GJD4: variants seen among roughly 807,000 people sequenced by gnomAD.
GJD4 encodes the protein gap junction delta-4 protein.
GJD4 carries 18 observed loss-of-function variants against 17.9 expected under a neutral mutation model. The observed-to-expected ratio is 1.00, with a 90% CI of 0.69 to 1.49. The LOEUF is 1.49. Ranked by LOEUF, GJD4 falls within the 40% of genes most tolerant of loss-of-function variation. The pLI, the probability that GJD4 is intolerant of heterozygous loss-of-function variation, is 0.00. For synonymous variants in GJD4, 293 were observed against 236.8 expected, an observed-to-expected ratio of 1.24 and a Z score of -2.18; for missense variants, 639 against 506.9, an observed-to-expected ratio of 1.26 and a Z score of -2.50.
At position 35,608,128 on chromosome 10, in the gene GJD4, C is replaced by T. The variant is rs1167140814; in HGVS notation, c.615C>T (p.Ser205=). 4 of 1,609,426 alleles carry T rather than the reference C, an allele frequency of 2.5e-6. No homozygotes were observed. The South Asian group carries it at 3.3e-5, about 13-fold the overall frequency. ...SLLMLFLWAV[S]ALSFLLGLAD... The stretch of plus-strand genomic sequence containing the variant: ...TGATGCTGTTCCTCTGGGCGGTCAG[C>T]GCGCTGTCTTTTCTGCTGGGCCTCG... The change falls in exon 2 of 2, where the codon AGC becomes AGT. Residue 205 remains serine, a synonymous_variant. Coordinates refer to ENST00000321660, the MANE Select transcript of GJD4 (RefSeq NM_153368.3).
rs1330951266 is a variant in GJD4 at position 35,607,976 on chromosome 10, G to A, written c.463G>A (p.Ala155Thr). The stretch of plus-strand genomic sequence containing the variant: ...CCTCCTCCTCCGGACCCTGCTGGAG[G>A]CAGCCTTCGGGGCCTTGCACTACTT... ...IHLLLRTLLE[A>T]AFGALHYFLF... The change falls in exon 2 of 2, where the codon GCA becomes ACA. Residue 155 changes from alanine to threonine, a missense_variant. Coordinates refer to ENST00000321660, the MANE Select transcript of GJD4 (RefSeq NM_153368.3). The A allele has an allele frequency of 2.5e-6, 4 of 1,611,470 alleles. No homozygotes were observed. The highest frequency in any genetic ancestry group is 2.5e-6 in the Non-Finnish European group (3 of 1,179,642).
In GJD4 at chr10:35,607,701, A is replaced by T. The variant is rs139614735; in HGVS notation, c.188A>T (p.Asn63Ile). The T allele has an allele frequency of 6.2e-7, 1 of 1,613,938 alleles. No individual in the cohort carries two copies. Among genetic ancestry groups the T allele is most frequent in the African/African-American group, 1.3e-5 (1 of 74,926 alleles). Residue 63 changes from asparagine to isoleucine, a missense_variant, in exon 2 of 2, where the codon AAT (asparagine) becomes ATT (isoleucine). Transcript: ENST00000321660. ...AACACGCTGCAGCCGGGATGCGCCA[A>T]TGTTTGCTACGACGTCTTCTCCCCC... The part of the protein sequence containing the change: ...VCNTLQPGCA[N>I]VCYDVFSPVS...
Position 35,608,741 on chromosome 10 carries a change from A to C in GJD4, c.*115A>C. 1.4e-6 allele frequency: 1 copy of C among 727,716 alleles called. No individual in the cohort carries two copies. The highest frequency in any genetic ancestry group is 2.2e-6 in the Non-Finnish European group (1 of 456,950). 45.1% of individuals were successfully genotyped at this position (727,716 alleles called of 1,614,324 possible). On this transcript the variant is annotated 3_prime_UTR_variant, in exon 2 of 2. Transcript: ENST00000321660. Reference sequence around the variant, plus strand: ...TCTCCTTGCCCAAGAGTTTGAGACCAGCCTGGACAACATAATGAGACCCTC... The same window carrying C: ...TCTCCTTGCCCAAGAGTTTGAGACCCGCCTGGACAACATAATGAGACCCTC...
chr10:35,606,716 AG>A (rs1414458356), intron 1 of GJD4: 1 of 152,330 alleles, frequency 6.6e-6, no homozygotes, highest in East Asian at 1.9e-4. Context: ...ATTTTGGCTG[AG>A]TTTTAAACAT....
In GJD4 at chr10:35,605,576, C is replaced by T. The variant is rs148424175; in HGVS notation, c.9C>T (p.Gly3=). ...TGGGACATTCTGGAAGCATGGAAGG[C>T]GTGGACTTGCTAGGGTTTCTCATCA... ME[G]VDLLGFLIIT... The change falls in exon 1 of 2, where the codon GGC becomes GGT. Residue 3 remains glycine, a synonymous_variant. Coordinates refer to ENST00000321660, the MANE Select transcript of GJD4 (RefSeq NM_153368.3). 4.6e-4 allele frequency: 744 copies of T among 1,613,732 alleles called. 4 individuals carry two copies. In the African/African-American group the frequency reaches 7.9e-3, roughly 17 times the overall value.
rs1835443918 is a variant in GJD4 at position 35,605,544 on chromosome 10, T to C, written c.-24T>C. The C allele has an allele frequency of 5.6e-6, 9 of 1,607,982 alleles. No homozygotes were observed. The highest frequency in any genetic ancestry group is 2.2e-5 in the East Asian group (1 of 44,858). ...CAGCCCTCCAGTGTCTCCTGCAGCC[T>C]GGAGCCTGGGACATTCTGGAAGCAT... On this transcript the variant is annotated 5_prime_UTR_variant, in exon 1 of 2. Coordinates refer to ENST00000321660, the MANE Select transcript of GJD4 (RefSeq NM_153368.3).
chr10:35,608,446 G>C lies in GJD4; in HGVS notation c.933G>C (p.Arg311=). 6.5e-7 allele frequency: 1 copy of C among 1,548,102 alleles called. No individual in the cohort carries two copies. The highest frequency in any genetic ancestry group is 8.7e-7 in the Non-Finnish European group (1 of 1,146,666). ...GCGAAAAGCTGGGCAGACAGCCCCG[G>C]GGCAGGCCCCACCGAGAGGCCGCCC... ...SASEKLGRQP[R]GRPHREAAQD... Residue 311 remains arginine (R), a synonymous_variant, in exon 2 of 2, where the codon CGG becomes CGC. Transcript: ENST00000321660.
Position 35,608,299 on chromosome 10 carries a change from A to G in GJD4, c.786A>G (p.Ala262=). Residue 262 remains alanine, a synonymous_variant, in exon 2 of 2, where the codon GCA becomes GCG. Transcript: ENST00000321660. ...AGGGTGGGCGGGAGGAAGAGGGGGCACCGGCGCCCCCGGGTGCACGCGCCG... is the reference window on the plus strand; with the variant it reads ...AGGGTGGGCGGGAGGAAGAGGGGGCGCCGGCGCCCCCGGGTGCACGCGCCG... The part of the protein sequence containing the change: ...DEEGGREEEG[A]PAPPGARAGG... The G allele has an allele frequency of 1.3e-6, 2 of 1,550,160 alleles. No individual in the cohort carries two copies. Among genetic ancestry groups the G allele is most frequent in the Non-Finnish European group, 8.7e-7 (1 of 1,150,460 alleles).
chr10:35,607,622 AT>A lies in GJD4; in HGVS notation c.111del (p.Ile37MetfsTer43). On this transcript the variant is annotated frameshift_variant, in exon 2 of 2. Coordinates refer to ENST00000321660, the MANE Select transcript of GJD4 (RefSeq NM_153368.3). LOFTEE classifies it low-confidence loss of function (END_TRUNC). ...CACGATGCTGCTGCGGATGCTGGTG[AT>A]TGTCTTGGCGGGGCGACCCGTCTAC... is the stretch of plus-strand genomic sequence containing the variant. The part of the protein sequence containing the change: ...VLTMLLRMLV[I>X]VLAGRPVYQD... 6.2e-7 allele frequency: 1 copy of A among 1,614,094 alleles called. No homozygotes were observed. The highest frequency in any genetic ancestry group is 8.5e-7 in the Non-Finnish European group (1 of 1,180,022).
intron 1 of GJD4, chr10:35,607,094 A>G (rs1835465117): frequency 6.5e-6 from 1 of 154,262 alleles, no homozygotes; most frequent in Admixed American, 6.4e-5. Flanking sequence ...ATCTTATTTA[A>G]ATCATTAATT....
intron 1 of GJD4, 160 bp downstream of exon 1, chr10:35,605,791 G>C: frequency 1.6e-6 from 1 of 628,162 alleles, no homozygotes; most frequent in Non-Finnish European, 2.9e-6. Flanking sequence ...TGCCTTTCTG[G>C]AGGGAAGAGA....
rs1486169111 is a variant in GJD4 at position 35,605,370 on chromosome 10, C to T, written c.-198C>T. 1.6e-6 allele frequency: 1 copy of T among 620,440 alleles called. No homozygotes were observed. The highest frequency in any genetic ancestry group is 2.9e-6 in the Non-Finnish European group (1 of 348,426). 38.4% of individuals were successfully genotyped at this position (620,440 alleles called of 1,614,324 possible). A position where few individuals can be genotyped will look rare whatever the true frequency, so the allele number is the denominator to read the frequency against. On this transcript the variant is annotated 5_prime_UTR_variant, in exon 1 of 2. Transcript: ENST00000321660. ...ACTGCAGTTGTCAGGAATGTTTCGC[C>T]TCAGAGGCAAACGGCTTAGGGCCGT... is the stretch of plus-strand genomic sequence containing the variant.
In GJD4 at chr10:35,607,726, C is replaced by A. The variant is rs766580877; in HGVS notation, c.213C>A (p.Pro71=). ...ATGTTTGCTACGACGTCTTCTCCCC[C>A]GTGTCTCACCTGCGGTTCTGGCTGA... ...CANVCYDVFS[P]VSHLRFWLIQ... Residue 71 remains proline, a synonymous_variant, in exon 2 of 2, where the codon CCC becomes CCA. Coordinates refer to ENST00000321660, the MANE Select transcript of GJD4 (RefSeq NM_153368.3). 7 of 1,613,856 alleles carry A rather than the reference C, an allele frequency of 4.3e-6. No homozygotes were observed. The highest frequency in any genetic ancestry group is 1.1e-5 in the South Asian group (1 of 91,090).
chr10:35,605,500 TC>T lies in GJD4; in HGVS notation c.-66del. The T allele has an allele frequency of 1.6e-6, 2 of 1,221,338 alleles. No homozygotes were observed. Among genetic ancestry groups the T allele is most frequent in the South Asian group, 2.4e-5 (2 of 82,988 alleles). 75.7% of individuals were successfully genotyped at this position (1,221,338 alleles called of 1,614,324 possible). Reference sequence around the variant, plus strand: ...GTCTTATGTAGTTAAAGGACATTTATCCGCCTCCTTGGAGAACACAGCCCTC... The same window carrying T: ...GTCTTATGTAGTTAAAGGACATTTATCGCCTCCTTGGAGAACACAGCCCTC... On this transcript the variant is annotated 5_prime_UTR_variant, in exon 1 of 2. Transcript: ENST00000321660.
At position 35,608,636 on chromosome 10, in the gene GJD4, C is replaced by A; in HGVS notation, c.*10C>A. ...GTCTGAGTGGGTGTGAAAAAAACAG[C>A]ACCTGGCGGTGCCCCGGGGCTCACG... is the stretch of plus-strand genomic sequence containing the variant. On this transcript the variant is annotated 3_prime_UTR_variant, in exon 2 of 2. Transcript: ENST00000321660. 1 of 1,467,182 alleles carries A rather than the reference C, an allele frequency of 6.8e-7. No homozygotes were observed. Among genetic ancestry groups the A allele is most frequent in the Non-Finnish European group, 9.0e-7 (1 of 1,109,832 alleles). 90.9% of individuals were successfully genotyped at this position (1,467,182 alleles called of 1,614,324 possible).
At position 35,605,430 on chromosome 10, in the gene GJD4, C is replaced by T. The variant is rs1469644699; in HGVS notation, c.-138C>T. The T allele has an allele frequency of 5.4e-6, 4 of 738,064 alleles. No homozygotes were observed. The highest frequency in any genetic ancestry group is 9.5e-6 in the Non-Finnish European group (4 of 421,202). The allele number at this position is 738,064 out of a possible 1,614,324, so 45.7% of individuals were successfully genotyped here. On this transcript the variant is annotated 5_prime_UTR_variant, in exon 1 of 2. Transcript: ENST00000321660. ...GAGACAGAAAAACCCACCTCCTACT[C>T]CTGGCTCAGACCTTTGCTTTCTTAT...
chr10:35,605,659 C>A, intron 1 of GJD4, 28 bp downstream of exon 1: 1 of 1,562,790 alleles, frequency 6.4e-7, no homozygotes, highest in South Asian at 1.1e-5. Flanking sequence ...CTCCAAACTC[C>A]TGCGCTGTTT....
rs772965731 is a variant in GJD4, at chr10:35,607,722, C to T, written c.209C>T (p.Ser70Phe). Residue 70 changes from serine (S) to phenylalanine (F), a missense_variant, in exon 2 of 2, where the codon TCC becomes TTC. Ser to Phe is a radical substitution (Grantham distance 155). Coordinates refer to ENST00000321660, the MANE Select transcript of GJD4 (RefSeq NM_153368.3). ...GCCAATGTTTGCTACGACGTCTTCT[C>T]CCCCGTGTCTCACCTGCGGTTCTGG... ...GCANVCYDVF[S>F]PVSHLRFWLI... 13 of 1,613,728 alleles carry T rather than the reference C, an allele frequency of 8.1e-6. No individual in the cohort carries two copies. Among genetic ancestry groups the T allele is most frequent in the African/African-American group, 1.3e-5 (1 of 74,930 alleles).
In GJD4 at chr10:35,608,176, G is replaced by A. The variant is rs1588697878; in HGVS notation, c.663G>A (p.Arg221=). ...TCGCCGACCTGGTCTGCAGCCTGCG[G>A]CGGCGGATGCGCAGGAGGCCGGGAC... ...LGLADLVCSL[R]RRMRRRPGPP... Residue 221 remains arginine, a synonymous_variant, in exon 2 of 2, where the codon CGG becomes CGA. Transcript: ENST00000321660. 6.3e-7 allele frequency: 1 copy of A among 1,599,430 alleles called. No individual in the cohort carries two copies. The highest frequency in any genetic ancestry group is 2.3e-5 in the East Asian group (1 of 44,362).
Sources: gnomAD v4.1 joint callset for allele counts on GRCh38, gnomAD v4.1.1 for gene constraint, MANE v1.5 for transcripts, NCBI Gene and HGNC (gene_info 2026-07-23, HGNC 2026-07-21) for gene names.